The following SH3RF1 variants were observed in gnomAD, a reference collection of about 807,000 sequenced individuals.
SH3RF1 encodes E3 ubiquitin-protein ligase SH3RF1.
Under a neutral mutation model 74.0 loss-of-function variants are expected in SH3RF1, and 32 were observed. That is an observed-to-expected ratio of 0.43 (90% CI 0.33 to 0.58). SH3RF1 has a LOEUF of 0.58. Ranked by LOEUF, SH3RF1 falls within the 20% of genes least tolerant of loss-of-function variation. The pLI, the probability that SH3RF1 is intolerant of heterozygous loss-of-function variation, is 0.05. For missense variants in SH3RF1, 954 were observed against 1,130.9 expected (o/e 0.84, Z 2.24); for synonymous variants, 396 against 439.6 (o/e 0.90, Z 1.24).
Position 169,139,751 on chromosome 4 carries a change from C to T in SH3RF1, c.766-3131G>A, listed in dbSNP as rs115491430. 8.9e-3 allele frequency among the ~76,000 whole-genome samples: 1,357 copies of T among 152,244 alleles called. 24 individuals carry two copies. The highest frequency in any genetic ancestry group is 0.031 in the African/African-American group (1,294 of 41,534). ...GTAGACACATCCTGGAGTGGTGTAA[C>T]AAGCCAACTGGCAAGTAGAAGACCA... On this transcript the variant is annotated intron_variant, in intron 4 of 11. Coordinates refer to ENST00000284637, the MANE Select transcript of SH3RF1 (RefSeq NM_020870.4).
intron 2 of SH3RF1, among the ~76,000 whole-genome samples, chr4:169,189,872 A>G (rs1579127884): frequency 6.6e-6 from 1 of 152,242 alleles, no homozygotes; most frequent in Non-Finnish European, 1.5e-5. Context: ...AATTATATCA[A>G]GCACTCTCTC....
chr4:169,174,944 T>C (rs1046928213), intron 2 of SH3RF1, among the ~76,000 whole-genome samples: 55 of 152,244 alleles, frequency 3.6e-4, no homozygotes, highest in African/African-American at 1.3e-3. Context: ...CTGTTGAATA[T>C]CTAATAGGCA....
chr4:169,104,409 G>A (rs1475874684), intron 11 of SH3RF1, among the ~76,000 whole-genome samples: 2 of 152,160 alleles, frequency 1.3e-5, no homozygotes, highest in African/African-American at 4.8e-5. Flanking sequence ...CAGGAAAAAG[G>A]TTGACTCTTA....
chr4:169,109,057 T>C (rs1465925088), intron 10 of SH3RF1, among the ~76,000 whole-genome samples: 4 of 152,232 alleles, frequency 2.6e-5, no homozygotes, highest in Non-Finnish European at 4.4e-5. Flanking sequence ...TCTGTACTTA[T>C]TGTAGACAGC....
At chr4:169,165,912 G>A (rs1734234691) in intron 2 of SH3RF1, among the ~76,000 whole-genome samples, 1 of 152,126 alleles carries the variant, frequency 6.6e-6, no homozygotes, top group South Asian at 2.1e-4. Context: ...ATGGGGAATA[G>A]ATGGGGATGA....
intron 2 of SH3RF1, among the ~76,000 whole-genome samples, chr4:169,200,229 T>C (rs994698143): frequency 3.9e-5 from 6 of 152,138 alleles, no homozygotes; most frequent in African/African-American, 1.2e-4. Context: ...CTAAAATATG[T>C]TTGATGCAGA....
At chr4:169,153,611 C>T (rs1467644046) in intron 4 of SH3RF1, among the ~76,000 whole-genome samples, 1 of 152,152 alleles carries the variant, frequency 6.6e-6, no homozygotes, top group Non-Finnish European at 1.5e-5. Flanking sequence ...TTGAAGTCTG[C>T]CTCCACTTTA....
At chr4:169,122,355 A>T in intron 6 of SH3RF1, 89 bp from the exon 7 acceptor site, 1 of 1,400,974 alleles carries the variant, frequency 7.1e-7, no homozygotes, top group South Asian at 1.4e-5. Flanking sequence ...GAGAAAAAGA[A>T]TTATAAATCC....
At chr4:169,171,800 C>A (rs1446577111) in intron 2 of SH3RF1, among the ~76,000 whole-genome samples, 1 of 152,074 alleles carries the variant, frequency 6.6e-6, no homozygotes, top group East Asian at 1.9e-4. Context: ...AAATGTGATA[C>A]AAGAAATGTG....
At chr4:169,176,976 C>T (rs71622329) in intron 2 of SH3RF1, among the ~76,000 whole-genome samples, 1 of 152,008 alleles carries the variant, frequency 6.6e-6, no homozygotes, top group Non-Finnish European at 1.5e-5. Flanking sequence ...CTATGTTGCC[C>T]GGGTTGGTCT....
chr4:169,151,958 T>G (rs2126962681), intron 4 of SH3RF1, among the ~76,000 whole-genome samples: 1 of 152,376 alleles, frequency 6.6e-6, no homozygotes, highest in East Asian at 1.9e-4. Context: ...CAAACTTGAA[T>G]GAATGAGTCA....
chr4:169,113,792 G>A (rs1382904584), intron 10 of SH3RF1, among the ~76,000 whole-genome samples: 1 of 152,178 alleles, frequency 6.6e-6, no homozygotes, highest in Non-Finnish European at 1.5e-5. Flanking sequence ...TGAGGTAGGA[G>A]ATTTAATAAG....
chr4:169,165,755 A>T (rs1321485100), intron 2 of SH3RF1, among the ~76,000 whole-genome samples: 2 of 152,202 alleles, frequency 1.3e-5, no homozygotes, highest in Admixed American at 1.3e-4. Context: ...ATAAGGTTAA[A>T]TGTAAAAGAT....
At chr4:169,205,727 C>T (rs769584468) in intron 2 of SH3RF1, among the ~76,000 whole-genome samples, 19 of 152,168 alleles carry the variant, frequency 1.2e-4, no homozygotes, top group African/African-American at 3.1e-4. Flanking sequence ...AATTTACCAA[C>T]GTACCATACC....
chr4:169,185,292 G>T (rs914772073), intron 2 of SH3RF1, among the ~76,000 whole-genome samples: 2 of 152,152 alleles, frequency 1.3e-5, no homozygotes, highest in Admixed American at 1.3e-4. Context: ...GAGAGAAACA[G>T]CGGTGGGAGG....
chr4:169,242,499 A>C (rs1271961848), intron 2 of SH3RF1, among the ~76,000 whole-genome samples: 2 of 152,140 alleles, frequency 1.3e-5, no homozygotes, highest in African/African-American at 4.8e-5. Context: ...ATCTCCTGGG[A>C]AACTTGTTTG....
intron 2 of SH3RF1, among the ~76,000 whole-genome samples, chr4:169,202,675 C>A (rs966165869): frequency 6.6e-6 from 1 of 152,160 alleles, no homozygotes; most frequent in African/African-American, 2.4e-5. Flanking sequence ...CCTATTTCTA[C>A]AGAAATAACA....
Position 169,116,280 on chromosome 4 carries a change from T to C in SH3RF1, c.2128A>G (p.Lys710Glu). ...AAGTATGGTCTTACTTTGCTATCCT[T>C]GTCTGGTTTGGTTGCTGAACTGTTC... Reference protein sequence around the residue: ...CGNSSATKPDKDSKKEKKGLL... With the variant: ...CGNSSATKPDEDSKKEKKGLL... The change falls in exon 10 of 12, where the codon AAG becomes GAG. Residue 710 changes from lysine to glutamate, a missense_variant. Physicochemically the swap from Lys to Glu is moderately conservative, Grantham distance 56. Coordinates refer to ENST00000284637, the MANE Select transcript of SH3RF1 (RefSeq NM_020870.4). 3 of 1,607,900 alleles carry C rather than the reference T, an allele frequency of 1.9e-6. No homozygotes were observed. Among genetic ancestry groups the C allele is most frequent in the East Asian group, 2.2e-5 (1 of 44,752 alleles).
chr4:169,135,278 G>C (rs1733682349), intron 5 of SH3RF1, among the ~76,000 whole-genome samples: 1 of 152,078 alleles, frequency 6.6e-6, no homozygotes, highest in African/African-American at 2.4e-5. Flanking sequence ...GCACTTACTA[G>C]AATGTAAACT....
Sources: gnomAD v4.1 joint callset for allele counts (sites outside exome capture counted in the v4.1 genomes callset) on GRCh38, gnomAD v4.1.1 for gene constraint, MANE v1.5 for transcripts, NCBI Gene and HGNC (gene_info 2026-07-23, HGNC 2026-07-21) for gene names.